The following KIAA1549 variants were observed in gnomAD, a reference collection of about 807,000 sequenced individuals.
KIAA1549 encodes UPF0606 protein KIAA1549.
KIAA1549 carries 70 observed loss-of-function variants against 156.4 expected under a neutral mutation model. The ratio of observed to expected loss-of-function variants is 0.45; its 90% CI spans 0.37 to 0.55. KIAA1549 has a LOEUF of 0.55. Ranked by LOEUF, KIAA1549 falls within the 20% of genes least tolerant of loss-of-function variation. The pLI is 0.00. For missense variants in KIAA1549, 2,428 were observed against 2,540.9 expected, an observed-to-expected ratio of 0.96 and a Z score of 0.96; for synonymous variants, 1,103 against 1,066.4, an observed-to-expected ratio of 1.03 and a Z score of -0.67.
In KIAA1549 at chr7:138,974,930, A is replaced by G. The variant is rs887497667; in HGVS notation, c.187+6153T>C. On this transcript the variant is annotated intron_variant, in intron 1 of 19. Coordinates refer to ENST00000422774, the MANE Select transcript of KIAA1549 (RefSeq NM_001164665.2). ...TTAGTCCAGGCTGACTTAGCCTTCA[A>G]TGTTCCAACAATACCTATTCCCAGA... Among the ~76,000 whole-genome samples the G allele has an allele frequency of 2.0e-5, 3 of 151,932 alleles. No individual in the cohort carries two copies. In the South Asian group the frequency reaches 6.2e-4, roughly 32 times the overall value.
intron 1 of KIAA1549, among the ~76,000 whole-genome samples, chr7:138,955,183 G>A (rs1056496827): frequency 6.6e-6 from 1 of 152,192 alleles, no homozygotes; most frequent in Non-Finnish European, 1.5e-5. Flanking sequence ...AAAAACAGAA[G>A]TGAAAAATAA....
At chr7:138,872,498 G>T (rs1228323345) in intron 12 of KIAA1549, among the ~76,000 whole-genome samples, 1 of 152,036 alleles carries the variant, frequency 6.6e-6, no homozygotes, top group Non-Finnish European at 1.5e-5. Context: ...AGGATTTTCT[G>T]TAATAAGTAT....
chr7:138,970,833 C>T (rs1158032997), intron 1 of KIAA1549, among the ~76,000 whole-genome samples: 3 of 152,186 alleles, frequency 2.0e-5, no homozygotes, highest in Non-Finnish European at 4.4e-5. Flanking sequence ...TGAAAGCTCC[C>T]CAACAGTATT....
In KIAA1549 at chr7:138,840,144, G is replaced by A. The variant is rs776005864; in HGVS notation, c.5587C>T (p.Arg1863Ter). 1 of 1,551,598 alleles carries A rather than the reference G, an allele frequency of 6.4e-7. No homozygotes were observed. Among genetic ancestry groups the A allele is most frequent in the African/African-American group, 1.4e-5 (1 of 73,074 alleles). The change falls in exon 19 of 20, where the codon CGA becomes TGA. Residue 1863 changes from arginine to a stop codon, truncating the protein, a stop_gained. Transcript: ENST00000422774. LOFTEE classifies it high-confidence loss of function. Reference protein sequence around the residue: ...WPSYGEDEAGRREATHMLGHQ... With the variant: ...WPSYGEDEAG ...CAGGAGATACTCACGGCCTCTCTTC[G>A]CCCCGCTTCGTCCTCCCCGTACGAA... is the stretch of plus-strand genomic sequence containing the variant.
chr7:138,958,364 C>T (rs967446973), intron 1 of KIAA1549, among the ~76,000 whole-genome samples: 1 of 152,174 alleles, frequency 6.6e-6, no homozygotes, highest in Non-Finnish European at 1.5e-5. Context: ...GGCTCTCTCC[C>T]CAAAATCTGA....
intron 16 of KIAA1549, among the ~76,000 whole-genome samples, chr7:138,853,835 C>T (rs545225163): frequency 2.6e-5 from 4 of 152,198 alleles, no homozygotes; most frequent in South Asian, 2.1e-4. Flanking sequence ...CTGGTGCTTT[C>T]GGCACAGTAT....
chr7:138,894,420 G>A lies in KIAA1549; in HGVS notation c.3954C>T (p.Ile1318=). 6.2e-7 allele frequency: 1 copy of A among 1,614,024 alleles called. No homozygotes were observed. The change falls in exon 10 of 20, where the codon ATC becomes ATT. Residue 1318 remains isoleucine, a synonymous_variant. Coordinates refer to ENST00000422774, the MANE Select transcript of KIAA1549 (RefSeq NM_001164665.2). ...CTGTGCGGCATAGTTTCCAGTAGAG[G>A]ATGACAACAATCACCATCACCACCA... is the stretch of plus-strand genomic sequence containing the variant. ...PVLVVMVIVV[I]LYWKLCRTDK...
chr7:138,971,559 T>G (rs1016704253), intron 1 of KIAA1549, among the ~76,000 whole-genome samples: 3 of 152,064 alleles, frequency 2.0e-5, no homozygotes. Context: ...TCCTACGTTA[T>G]TTCACTCCTT....
At chr7:138,979,267 A>C (rs1222171501) in intron 1 of KIAA1549, among the ~76,000 whole-genome samples, 1 of 152,244 alleles carries the variant, frequency 6.6e-6, no homozygotes, top group Non-Finnish European at 1.5e-5. Context: ...AAGGACTTCC[A>C]AAGAAGAGAA....
At chr7:138,911,043 A>C in intron 4 of KIAA1549, 103 bp downstream of exon 4, 1 of 925,982 alleles carries the variant, frequency 1.1e-6, no homozygotes, top group Non-Finnish European at 1.6e-6. Flanking sequence ...AAAAATCATC[A>C]TCATAATAAT....
chr7:138,850,574 T>G (rs1009234819), intron 17 of KIAA1549, among the ~76,000 whole-genome samples: 1 of 152,198 alleles, frequency 6.6e-6, no homozygotes, highest in Non-Finnish European at 1.5e-5. Flanking sequence ...TTATAGATGC[T>G]GGATATTAAA....
At position 138,976,477 on chromosome 7, in the gene KIAA1549, T is replaced by C. The variant is rs559025814; in HGVS notation, c.187+4606A>G. On this transcript the variant is annotated intron_variant, in intron 1 of 19. Coordinates refer to ENST00000422774, the MANE Select transcript of KIAA1549 (RefSeq NM_001164665.2). ...TCGGATACCGGAGGACAACTGCAGTTTGAAGATATTTTGAGATATTCTGAG... is the reference window on the plus strand; with the variant it reads ...TCGGATACCGGAGGACAACTGCAGTCTGAAGATATTTTGAGATATTCTGAG... Among the ~76,000 whole-genome samples the C allele has an allele frequency of 2.6e-5, 4 of 152,354 alleles. No individual in the cohort carries two copies. The East Asian group carries it at 7.7e-4, about 29-fold the overall frequency.
At chr7:138,901,092 CA>C (rs1811828867) in intron 8 of KIAA1549, among the ~76,000 whole-genome samples, 3 of 152,090 alleles carry the variant, frequency 2.0e-5, no homozygotes, top group African/African-American at 7.2e-5. Flanking sequence ...TTTTCAATTT[CA>C]AAATTTATTT....
chr7:138,972,132 C>T (rs1814238055), intron 1 of KIAA1549, among the ~76,000 whole-genome samples: 1 of 152,050 alleles, frequency 6.6e-6, no homozygotes, highest in Non-Finnish European at 1.5e-5. Flanking sequence ...ATTCACAGTC[C>T]TCTGGGAACT....
Position 138,909,121 on chromosome 7 carries a change from A to T in KIAA1549, c.3146T>A (p.Val1049Glu), listed in dbSNP as rs200468254. Residue 1049 changes from valine to glutamate, a missense_variant and splice_region_variant, in exon 5 of 20, where the codon GTA (valine) becomes GAA (glutamate). By Grantham distance (121) the Val-to-Glu change is moderately radical (BLOSUM62 -2). Around this residue, in one of 5 missense-constraint regions of KIAA1549, gnomAD observed 762 missense variants for 901.6 expected, o/e 0.85. Transcript: ENST00000422774. ...VPESRFQVQTVLQFVPPSVDT... is the reference protein window; with the variant it reads ...VPESRFQVQTELQFVPPSVDT... ...CACACTCGGAGGCACAAACTGAAGT[A>T]CTGAAAAGAAAAGCAATCAAAGTCC... 2.0e-4 allele frequency: 324 copies of T among 1,611,864 alleles called. No individual in the cohort carries two copies. Among genetic ancestry groups the T allele is most frequent in the Non-Finnish European group, 2.6e-4 (312 of 1,178,836 alleles).
chr7:138,886,800 A>G (rs1811402869), intron 10 of KIAA1549, among the ~76,000 whole-genome samples: 1 of 152,220 alleles, frequency 6.6e-6, no homozygotes, highest in Non-Finnish European at 1.5e-5. Flanking sequence ...ACAGCCCCTC[A>G]GCCTTTTGCA....
chr7:138,881,636 A>T, intron 10 of KIAA1549, 52 bp from the exon 11 acceptor site: 1 of 1,507,200 alleles, frequency 6.6e-7, no homozygotes. Context: ...TCCAAGGCTG[A>T]TGAGAGGAGC....
chr7:138,872,233 C>T (rs1810958625), intron 12 of KIAA1549, among the ~76,000 whole-genome samples: 1 of 152,034 alleles, frequency 6.6e-6, no homozygotes, highest in East Asian at 1.9e-4. Flanking sequence ...AGGCAGGAGC[C>T]ACCGGGCCCG....
chr7:138,917,319 C>G lies in KIAA1549; in HGVS notation c.2307G>C (p.Leu769=), dbSNP rs1482001618. ...LISHESAVTA[L]VPPGSESFDI... is the part of the protein sequence containing the mutation. ...CAAAAGACTCAGAGCCGGGGGGCAC[C>G]AGTGCAGTGACTGCGGATTCATGGG... Residue 769 remains leucine (L), a synonymous_variant, in exon 2 of 20, where the codon CTG becomes CTC. Coordinates refer to ENST00000422774, the MANE Select transcript of KIAA1549 (RefSeq NM_001164665.2). 10 of 1,613,840 alleles carry G rather than the reference C, an allele frequency of 6.2e-6. No individual in the cohort carries two copies. The highest frequency in any genetic ancestry group is 1.6e-4 in the Middle Eastern group (1 of 6,062).
Sources: gnomAD v4.1 joint callset for allele counts (sites outside exome capture counted in the v4.1 genomes callset) on GRCh38, gnomAD v4.1.1 for gene constraint, gnomAD v4.1.1 regional missense constraint, MANE v1.5 for transcripts, NCBI Gene and HGNC (gene_info 2026-07-23, HGNC 2026-07-21) for gene names.